The following CREBBP variants were observed in gnomAD, a reference collection of about 807,000 sequenced individuals.
The protein encoded by CREBBP is CREB-binding protein.
In CREBBP, 19 loss-of-function variants were observed where a neutral mutation model predicts 265.0. The observed-to-expected ratio is 0.07, with a 90% confidence interval of 0.05 to 0.11. The LOEUF is 0.11. CREBBP is among the 10% of genes least tolerant of loss of function. The pLI, the probability that CREBBP is intolerant of heterozygous loss-of-function variation, is 1.00. For synonymous variants in CREBBP, 1,457 were observed against 1,223.7 expected, an observed-to-expected ratio of 1.19 and a Z score of -3.98; for missense variants, 2,525 against 3,219.0, an observed-to-expected ratio of 0.78 and a Z score of 5.22.
intron 19 of CREBBP, among the ~76,000 whole-genome samples, chr16:3,752,585 T>C (rs1428900119): frequency 6.6e-6 from 1 of 152,058 alleles, no homozygotes; most frequent in Non-Finnish European, 1.5e-5. Flanking sequence ...TTTATCAATA[T>C]GAATATACAG....
At chr16:3,761,523 C>G in intron 16 of CREBBP, 1 of 518,594 alleles carries the variant, frequency 1.9e-6, no homozygotes, top group Non-Finnish European at 3.9e-6. Context: ...AACAGGCGCA[C>G]CAAGAACATG....
intron 2 of CREBBP, among the ~76,000 whole-genome samples, chr16:3,827,625 T>A (rs1448332404): frequency 6.6e-6 from 1 of 152,200 alleles, no homozygotes; most frequent in East Asian, 1.9e-4. Context: ...TCTCCTGACC[T>A]CGTGATCCAC....
chr16:3,874,881 C>G (rs145122386), intron 1 of CREBBP, among the ~76,000 whole-genome samples: 56 of 152,334 alleles, frequency 3.7e-4, no homozygotes, highest in East Asian at 3.1e-3. Context: ...ACTAATGGGA[C>G]CCCAAAAACT....
intron 1 of CREBBP, among the ~76,000 whole-genome samples, chr16:3,861,068 C>T (rs1038994884): frequency 6.6e-6 from 1 of 151,904 alleles, no homozygotes; most frequent in East Asian, 1.9e-4. Context: ...GTCAGGAGTT[C>T]GAAACCAGCC....
chr16:3,790,333 A>G (rs1199705721), intron 5 of CREBBP, among the ~76,000 whole-genome samples: 1 of 151,238 alleles, frequency 6.6e-6, no homozygotes, highest in Non-Finnish European at 1.5e-5. Flanking sequence ...TTAGTCAATC[A>G]AAGAATAATT....
At chr16:3,833,821 A>G (rs140829995) in intron 2 of CREBBP, among the ~76,000 whole-genome samples, 4 of 152,334 alleles carry the variant, frequency 2.6e-5, no homozygotes, top group Admixed American at 1.3e-4. Context: ...CCCTTCAAAG[A>G]TAATGTCAAG....
At chr16:3,811,161 G>A (rs1047859009) in intron 2 of CREBBP, among the ~76,000 whole-genome samples, 4 of 152,138 alleles carry the variant, frequency 2.6e-5, no homozygotes, top group African/African-American at 9.7e-5. Context: ...TCTAGTTTCT[G>A]TTAGGTTCCC....
chr16:3,803,166 T>TTA (rs2053753274), intron 3 of CREBBP, among the ~76,000 whole-genome samples: 1 of 150,648 alleles, frequency 6.6e-6, no homozygotes, highest in African/African-American at 2.5e-5. Context: ...TGATTTTTTT[T>TTA]AAAAAAATAA....
chr16:3,767,688 T>C, intron 16 of CREBBP, 32 bp downstream of exon 16: 2 of 1,614,186 alleles, frequency 1.2e-6, no homozygotes, highest in Non-Finnish European at 1.7e-6. Context: ...AAAAGCAGCA[T>C]GCTTTAATAA....
intron 24 of CREBBP, 75 bp from the exon 25 acceptor site, chr16:3,739,799 CT>C: frequency 6.2e-7 from 1 of 1,602,344 alleles, no homozygotes; most frequent in Non-Finnish European, 8.5e-7. Context: ...AGGCCTGCTC[CT>C]CTAACTCTGG....
Position 3,769,113 on chromosome 16 carries a change from C to T in CREBBP, c.3060+61G>A, listed in dbSNP as rs2141189285. Reference sequence around the variant, plus strand: ...CCCATGGCAGGCTCCAAGCCTCGCCCGAGGACACCTGGGTAAAGTTGCGAT... The same window carrying T: ...CCCATGGCAGGCTCCAAGCCTCGCCTGAGGACACCTGGGTAAAGTTGCGAT... On this transcript the variant is annotated intron_variant, in intron 15 of 30. Transcript: ENST00000262367. 4.4e-6 allele frequency: 7 copies of T among 1,597,952 alleles called. 1 individual carries two copies. In the South Asian group the frequency reaches 4.4e-5, roughly 10 times the overall value.
At chr16:3,867,370 T>TA (rs2055197643) in intron 1 of CREBBP, among the ~76,000 whole-genome samples, 1 of 152,146 alleles carries the variant, frequency 6.6e-6, no homozygotes, top group Non-Finnish European at 1.5e-5. Context: ...TGCGTGCCTG[T>TA]AGTCCAAGCT....
intron 19 of CREBBP, among the ~76,000 whole-genome samples, chr16:3,752,910 G>T (rs1029147972): frequency 5.3e-5 from 8 of 152,182 alleles, no homozygotes; most frequent in Non-Finnish European, 1.0e-4. Flanking sequence ...TGTTTGGAAA[G>T]GACATAAATG....
chr16:3,798,669 T>C (rs975028010), intron 3 of CREBBP, among the ~76,000 whole-genome samples: 4 of 152,192 alleles, frequency 2.6e-5, no homozygotes, highest in Non-Finnish European at 4.4e-5. Flanking sequence ...AAAAGTCAAA[T>C]GCTAACCAAT....
chr16:3,745,238 T>G (rs1222193411), intron 22 of CREBBP, 39 bp downstream of exon 22: 2 of 1,581,572 alleles, frequency 1.3e-6, no homozygotes, highest in Non-Finnish European at 1.7e-6. Flanking sequence ...CCACTGGCTC[T>G]GTGCAGAACT....
intron 21 of CREBBP, among the ~76,000 whole-genome samples, chr16:3,749,351 A>C (rs1273625487): frequency 1.3e-5 from 2 of 152,206 alleles, no homozygotes; most frequent in Non-Finnish European, 2.9e-5. Context: ...TCTTAAAGAC[A>C]CCCATGACCA....
At chr16:3,804,174 C>G (rs778377780) in intron 3 of CREBBP, among the ~76,000 whole-genome samples, 1 of 152,058 alleles carries the variant, frequency 6.6e-6, no homozygotes. Context: ...TCTATTCCTA[C>G]GGTCAAAGTG....
intron 8 of CREBBP, among the ~76,000 whole-genome samples, chr16:3,779,823 G>A (rs374724526): frequency 5.3e-5 from 8 of 152,170 alleles, no homozygotes; most frequent in South Asian, 4.1e-4. Flanking sequence ...GCTCAACAAC[G>A]TTAGGCTTGG....
chr16:3,765,312 T>C (rs1371458095), intron 16 of CREBBP, among the ~76,000 whole-genome samples: 1 of 152,216 alleles, frequency 6.6e-6, no homozygotes, highest in African/African-American at 2.4e-5. Context: ...TGATGAAACA[T>C]TCTGCCTATC....
Sources: allele counts gnomAD v4.1 joint callset (sites outside exome capture counted in the v4.1 genomes callset), GRCh38; gene constraint gnomAD v4.1.1; transcripts MANE v1.5; gene names NCBI Gene and HGNC (gene_info 2026-07-23, HGNC 2026-07-21).